The following UHRF1 variants were observed in gnomAD, a reference collection of about 807,000 sequenced individuals.
UHRF1 encodes ubiquitin like with PHD and ring finger domains 1, also known as E3 ubiquitin-protein ligase UHRF1.
UHRF1 carries 9 observed loss-of-function variants against 96.5 expected under a neutral mutation model. That is an observed-to-expected ratio of 0.09 (90% CI 0.06 to 0.16). The LOEUF (loss-of-function observed/expected upper bound fraction) is 0.16, where lower values mean the gene tolerates loss of function less well. Ranked by LOEUF, UHRF1 falls within the 10% of genes least tolerant of loss-of-function variation. UHRF1 has a pLI of 1.00. For synonymous variants in UHRF1, 455 were observed against 469.9 expected (o/e 0.97, Z 0.41); for missense variants, 626 against 1,131.1 (o/e 0.55, Z 6.40).
At chr19:4,922,063 T>C (rs2032719805) in intron 2 of UHRF1, among the ~76,000 whole-genome samples, 1 of 152,114 alleles carries the variant, frequency 6.6e-6, no homozygotes, top group African/African-American at 2.4e-5. Flanking sequence ...TCTCCTGCCT[T>C]AGCCTCCTGA....
At chr19:4,920,017 A>T (rs1174084787) in intron 2 of UHRF1, among the ~76,000 whole-genome samples, 1 of 151,848 alleles carries the variant, frequency 6.6e-6, no homozygotes, top group African/African-American at 2.4e-5. Flanking sequence ...GAGTTTCTCC[A>T]TGTTGGTCAG....
At chr19:4,941,080 G>GTTTTTTTTTTTTGTTT (rs1171655897) in intron 5 of UHRF1, among the ~76,000 whole-genome samples, 1 of 112,846 alleles carries the variant, frequency 8.9e-6, no homozygotes, top group African/African-American at 3.8e-5. Context: ...TGGTTTCTGT[G>GTTTTTTTTTTTTGTTT]TTTTGTTTTT....
Position 4,941,518 on chromosome 19 carries a change from T to G in UHRF1, c.786-10T>G. The G allele has an allele frequency of 1.2e-6, 2 of 1,610,602 alleles. No individual in the cohort carries two copies. Among genetic ancestry groups the G allele is most frequent in the Non-Finnish European group, 1.7e-6 (2 of 1,178,004 alleles). ...AGGCCAGAATGTTCCAGCGTCCTCG[T>G]TCCTTGCAGGGATGATTCTCTGAAC... On this transcript the variant is annotated splice_polypyrimidine_tract_variant and intron_variant, in intron 5 of 16. Transcript: ENST00000650932.
rs1330243063 is a variant in UHRF1, at chr19:4,954,876, G to A, written c.2130+54G>A. ...TGATTTGCGTTGACTGCGGTAAAAT[G>A]TGTGGGGCTTGTTTCCCATGTTCCC... On this transcript the variant is annotated intron_variant, in intron 15 of 16. Transcript: ENST00000650932. The surrounding 1 kb of genome is among the most constrained non-coding windows in gnomAD (Gnocchi z 5.9). 1 of 1,595,280 alleles carries A rather than the reference G, an allele frequency of 6.3e-7. No homozygotes were observed. The highest frequency in any genetic ancestry group is 1.3e-5 in the African/African-American group (1 of 74,398).
rs372981593 is a variant in UHRF1, at chr19:4,929,732, G to A, written c.408+256G>A. 3.9e-5 allele frequency among the ~76,000 whole-genome samples: 6 copies of A among 152,306 alleles called. No homozygotes were observed. In the East Asian group the frequency reaches 7.7e-4, roughly 20 times the overall value. On this transcript the variant is annotated intron_variant, in intron 3 of 16. Transcript: ENST00000650932. ...CCGTGAAGCTTGCAGTGGCTGTGAC[G>A]TTTCTGAACTTGCTGCTACCATGTA...
chr19:4,957,377 C>G (rs982165462), intron 16 of UHRF1, among the ~76,000 whole-genome samples: 6 of 146,092 alleles, frequency 4.1e-5, no homozygotes, highest in Non-Finnish European at 9.0e-5. Context: ...GGCGCAGTCT[C>G]CACTCACTGC....
intron 2 of UHRF1, among the ~76,000 whole-genome samples, chr19:4,912,815 A>T (rs2032336260): frequency 6.6e-6 from 1 of 152,136 alleles, no homozygotes; most frequent in African/African-American, 2.4e-5. Context: ...GCTGTGTTGC[A>T]GTGGCACGAT....
intron 2 of UHRF1, among the ~76,000 whole-genome samples, chr19:4,925,454 C>T (rs2146318771): frequency 6.6e-6 from 1 of 152,300 alleles, no homozygotes; most frequent in South Asian, 2.1e-4. Flanking sequence ...TGCATCCACA[C>T]TGTGGCCTGG....
intron 2 of UHRF1, 144 bp from the exon 3 acceptor site, chr19:4,929,078 C>T: frequency 1.7e-6 from 2 of 1,204,396 alleles, no homozygotes; most frequent in Non-Finnish European, 2.3e-6. Flanking sequence ...CTGGCATGGC[C>T]CAGGTATCAT....
chr19:4,960,854 C>T lies in UHRF1; in HGVS notation c.*51C>T, dbSNP rs113506349. 7.0e-3 allele frequency: 7,118 copies of T among 1,013,608 alleles called. 45 individuals carry two copies. The highest frequency in any genetic ancestry group is 0.028 in the Middle Eastern group (90 of 3,212). 62.8% of individuals were successfully genotyped at this position (1,013,608 alleles called of 1,614,324 possible). On this transcript the variant is annotated 3_prime_UTR_variant, in exon 17 of 17. Transcript: ENST00000650932. ...TTTGCTGAAAACGTGTCGGAGGGCT[C>T]GTTCATCGGCACTGATTTTGTTCTT... is the stretch of plus-strand genomic sequence containing the variant.
Position 4,960,834 on chromosome 19 carries a change from T to C in UHRF1, c.*31T>C, listed in dbSNP as rs1216561410. Reference sequence around the variant, plus strand: ...AAGCACTTCTCGACAGGCGTTTTGCTGAAAACGTGTCGGAGGGCTCGTTCA... The same window carrying C: ...AAGCACTTCTCGACAGGCGTTTTGCCGAAAACGTGTCGGAGGGCTCGTTCA... On this transcript the variant is annotated 3_prime_UTR_variant, in exon 17 of 17. Coordinates refer to ENST00000650932, the MANE Select transcript of UHRF1 (RefSeq NM_001048201.3). 7.6e-7 allele frequency: 1 copy of C among 1,312,444 alleles called. No individual in the cohort carries two copies. The highest frequency in any genetic ancestry group is 1.1e-6 in the Non-Finnish European group (1 of 941,218). 81.3% of individuals were successfully genotyped at this position (1,312,444 alleles called of 1,614,324 possible). A position where few individuals can be genotyped will look rare whatever the true frequency, so the allele number is the denominator to read the frequency against.
At chr19:4,949,977 C>A (rs2033673269) in intron 11 of UHRF1, among the ~76,000 whole-genome samples, 1 of 151,778 alleles carries the variant, frequency 6.6e-6, no homozygotes, top group South Asian at 2.1e-4. Flanking sequence ...CTCCACTGAT[C>A]CTCCCACCTC....
upstream of UHRF1, among the ~76,000 whole-genome samples, chr19:4,907,273 C>G (rs2032083502): frequency 1.3e-5 from 2 of 151,998 alleles, no homozygotes; most frequent in South Asian, 4.1e-4. Flanking sequence ...CCCTGCCCAG[C>G]TAATTTTTTT....
At chr19:4,957,999 C>T (rs1447724003) in intron 16 of UHRF1, among the ~76,000 whole-genome samples, 1 of 152,248 alleles carries the variant, frequency 6.6e-6, no homozygotes, top group Non-Finnish European at 1.5e-5. Flanking sequence ...AACTGCAGTC[C>T]CGCAGTCCTC....
intron 15 of UHRF1, among the ~76,000 whole-genome samples, chr19:4,955,622 G>GGGCT (rs2047867943): frequency 6.6e-6 from 1 of 152,070 alleles, no homozygotes; most frequent in South Asian, 2.1e-4. Flanking sequence ...ATTCTTCCCA[G>GGGCT]GGCTTTCTCC....
intron 2 of UHRF1, among the ~76,000 whole-genome samples, chr19:4,927,678 G>A (rs2032917416): frequency 6.6e-6 from 1 of 152,236 alleles, no homozygotes; most frequent in Non-Finnish European, 1.5e-5. Flanking sequence ...GGGACACATG[G>A]TGATGTCTGG....
chr19:4,955,032 C>T (rs2033819842), intron 15 of UHRF1, among the ~76,000 whole-genome samples: 1 of 152,108 alleles, frequency 6.6e-6, no homozygotes, highest in African/African-American at 2.4e-5. Context: ...GTCACTCCCA[C>T]CCCCTCCCAA....
At chr19:4,949,281 C>T (rs1042277931) in intron 11 of UHRF1, among the ~76,000 whole-genome samples, 3 of 152,142 alleles carry the variant, frequency 2.0e-5, no homozygotes, top group Admixed American at 6.6e-5. Flanking sequence ...TAGCATTCCA[C>T]TGTTGGTAGA....
In UHRF1 at chr19:4,954,228, C is replaced by T; in HGVS notation, c.1819-122C>T. 9 of 1,453,472 alleles carry T rather than the reference C, an allele frequency of 6.2e-6. No individual in the cohort carries two copies. The South Asian group carries it at 1.0e-4, about 17-fold the overall frequency. The allele number at this position is 1,453,472 out of a possible 1,614,324, so 90.0% of individuals were successfully genotyped here. A position where few individuals can be genotyped will look rare whatever the true frequency, so the allele number is the denominator to read the frequency against. ...TAAGGGAGGACTACCCTGTGCTCTT[C>T]AGGGGGATTGGGGGTCAGGTGTGTC... On this transcript the variant is annotated intron_variant, in intron 13 of 16. Coordinates refer to ENST00000650932, the MANE Select transcript of UHRF1 (RefSeq NM_001048201.3). The surrounding 1 kb of genome is among the most constrained non-coding windows in gnomAD (Gnocchi z 5.9).
Sources: allele counts gnomAD v4.1 joint callset (sites outside exome capture counted in the v4.1 genomes callset), GRCh38; gene constraint gnomAD v4.1.1; non-coding constraint Gnocchi (gnomAD v3.1); transcripts MANE v1.5; gene names NCBI Gene and HGNC (gene_info 2026-07-23, HGNC 2026-07-21).